The following PLEKHA2 variants were observed in gnomAD, a reference collection of about 807,000 sequenced individuals.
PLEKHA2 encodes the protein pleckstrin homology domain containing A2.
Under a neutral mutation model 53.2 loss-of-function variants are expected in PLEKHA2, and 28 were observed. The observed-to-expected ratio is 0.53, with a 90% confidence interval of 0.39 to 0.72. The LOEUF is 0.72. PLEKHA2 is among the 30% of genes least tolerant of loss of function. PLEKHA2 has a pLI of 0.00. For synonymous variants in PLEKHA2, 193 were observed against 196.4 expected, an observed-to-expected ratio of 0.98 and a Z score of 0.14; for missense variants, 426 against 537.9, an observed-to-expected ratio of 0.79 and a Z score of 2.06.
At chr8:38,933,451 GT>G (rs1386964199) in intron 2 of PLEKHA2, among the ~76,000 whole-genome samples, 3 of 152,164 alleles carry the variant, frequency 2.0e-5, no homozygotes, top group African/African-American at 7.2e-5. Context: ...TGCATTGAAA[GT>G]CAGCTTTGGT....
intron 1 of PLEKHA2, among the ~76,000 whole-genome samples, chr8:38,913,370 G>GA (rs35218067): frequency 0.79 from 106,493 of 134,322 alleles, 41,635 homozygotes; most frequent in African/African-American, 0.82. Context: ...TCTCAAAAAG[G>GA]AAAAAAAAAA....
intron 2 of PLEKHA2, among the ~76,000 whole-genome samples, chr8:38,920,182 T>G (rs182826198): frequency 3.3e-5 from 5 of 150,026 alleles, no homozygotes; most frequent in East Asian, 3.9e-4. Context: ...ACGGGGTCTC[T>G]CTCTGTTGCC....
chr8:38,954,837 A>T (rs1834909269), intron 9 of PLEKHA2, among the ~76,000 whole-genome samples: 1 of 152,276 alleles, frequency 6.6e-6, no homozygotes. Flanking sequence ...GTTCCAGACC[A>T]TCCTGGCCAA....
chr8:38,958,139 A>T (rs1028899667), intron 10 of PLEKHA2, among the ~76,000 whole-genome samples: 6 of 152,134 alleles, frequency 3.9e-5, no homozygotes, highest in Non-Finnish European at 2.9e-5. Context: ...AGCCTGGTCA[A>T]CATGGTGAAA....
In PLEKHA2 at chr8:38,970,321, C is replaced by A; in HGVS notation, c.*538C>A. On this transcript the variant is annotated 3_prime_UTR_variant, in exon 12 of 12. Coordinates refer to ENST00000617275, the MANE Select transcript of PLEKHA2 (RefSeq NM_021623.2). The stretch of plus-strand genomic sequence containing the variant: ...CTTGCTGTTGCCCTTTGAATGAAGC[C>A]TTGTGTGCTTGCATGATCAGACCCT... The A allele has an allele frequency of 3.5e-6, 1 of 289,666 alleles. No homozygotes were observed. The highest frequency in any genetic ancestry group is 6.3e-6 in the Non-Finnish European group (1 of 159,840). 17.9% of individuals were successfully genotyped at this position (289,666 alleles called of 1,614,324 possible).
intron 10 of PLEKHA2, chr8:38,960,885 A>G (rs1484034378): frequency 2.9e-4 from 44 of 152,246 alleles, no homozygotes; most frequent in Non-Finnish European, 1.2e-4. Context: ...ATTAAAATCC[A>G]TTGGTCAATT....
chr8:38,914,144 C>A (rs994385726), intron 1 of PLEKHA2, among the ~76,000 whole-genome samples: 1 of 152,248 alleles, frequency 6.6e-6, no homozygotes, highest in Admixed American at 6.5e-5. Flanking sequence ...CTGTTTCTCG[C>A]CTGCTTTGCT....
chr8:38,930,483 C>T (rs1485432446), intron 2 of PLEKHA2, among the ~76,000 whole-genome samples: 4 of 152,180 alleles, frequency 2.6e-5, no homozygotes, highest in Admixed American at 6.5e-5. Context: ...GGATTACAGG[C>T]GTGAGCCACC....
chr8:38,928,953 C>G (rs1834338783), intron 2 of PLEKHA2, among the ~76,000 whole-genome samples: 1 of 152,180 alleles, frequency 6.6e-6, no homozygotes, highest in Non-Finnish European at 1.5e-5. Context: ...GCTTTGGTTG[C>G]TCATGTCAGG....
intron 3 of PLEKHA2, among the ~76,000 whole-genome samples, chr8:38,937,781 G>A (rs558932899): frequency 2.6e-5 from 4 of 152,284 alleles, no homozygotes; most frequent in African/African-American, 9.6e-5. Context: ...ATGACATTTA[G>A]CCTCAGAGGC....
At chr8:38,940,163 C>T (rs1201289798) in intron 3 of PLEKHA2, among the ~76,000 whole-genome samples, 2 of 151,222 alleles carry the variant, frequency 1.3e-5, no homozygotes, top group African/African-American at 2.4e-5. Context: ...TTTGGGAGAC[C>T]GAGGTGGGTG....
intron 1 of PLEKHA2, among the ~76,000 whole-genome samples, chr8:38,908,191 C>T (rs1031375972): frequency 1.3e-5 from 2 of 152,120 alleles, no homozygotes; most frequent in African/African-American, 4.8e-5. Context: ...ATTCTGTTGG[C>T]CCGAGGACCT....
intron 1 of PLEKHA2, among the ~76,000 whole-genome samples, chr8:38,915,888 G>A (rs1588237289): frequency 1.3e-5 from 2 of 152,246 alleles, no homozygotes; most frequent in South Asian, 4.1e-4. Context: ...GGGTACATGA[G>A]GCTTGCAGCA....
chr8:38,945,793 G>T (rs1029191246), intron 4 of PLEKHA2, among the ~76,000 whole-genome samples: 1 of 152,162 alleles, frequency 6.6e-6, no homozygotes, highest in Non-Finnish European at 1.5e-5. Context: ...TATTAGCACC[G>T]CCAGAATGCG....
At chr8:38,923,186 C>A (rs1400452610) in intron 2 of PLEKHA2, among the ~76,000 whole-genome samples, 1 of 152,294 alleles carries the variant, frequency 6.6e-6, no homozygotes, top group East Asian at 1.9e-4. Flanking sequence ...TCCTTTGCTG[C>A]CACCCATAAG....
intron 9 of PLEKHA2, among the ~76,000 whole-genome samples, chr8:38,956,620 A>G (rs1834945349): frequency 6.6e-6 from 1 of 152,076 alleles, no homozygotes; most frequent in Non-Finnish European, 1.5e-5. Flanking sequence ...AGCAACATGG[A>G]AACACCCTGT....
chr8:38,950,656 CTG>C (rs1250527696), intron 5 of PLEKHA2, 192 bp from the exon 6 acceptor site: 1 of 521,572 alleles, frequency 1.9e-6, no homozygotes, highest in African/African-American at 1.9e-5. Context: ...CAGTTTGTAT[CTG>C]TGTAGGGGGA....
chr8:38,965,514 G>A (rs1835120146), intron 10 of PLEKHA2, among the ~76,000 whole-genome samples: 1 of 152,108 alleles, frequency 6.6e-6, no homozygotes, highest in Non-Finnish European at 1.5e-5. Flanking sequence ...CAGCTCATAT[G>A]CCTCCTACCA....
Position 38,917,918 on chromosome 8 carries a change from C to A in PLEKHA2, c.-12C>A, listed in dbSNP as rs1424706465. The stretch of plus-strand genomic sequence containing the variant: ...CCTCCTGCGCGCAGGGTGATGTGAG[C>A]AGAGCCCAGGAATGCCTTATGTGGA... On this transcript the variant is annotated 5_prime_UTR_variant, in exon 2 of 12. Coordinates refer to ENST00000617275, the MANE Select transcript of PLEKHA2 (RefSeq NM_021623.2). 1 of 1,613,324 alleles carries A rather than the reference C, an allele frequency of 6.2e-7. No individual in the cohort carries two copies. The highest frequency in any genetic ancestry group is 8.5e-7 in the Non-Finnish European group (1 of 1,179,444).
Sources: gnomAD v4.1 joint callset for allele counts (sites outside exome capture counted in the v4.1 genomes callset) on GRCh38, gnomAD v4.1.1 for gene constraint, MANE v1.5 for transcripts, NCBI Gene and HGNC (gene_info 2026-07-23, HGNC 2026-07-21) for gene names.